Variants in MBOAT1 observed in about 807,000 individuals in gnomAD.
The protein encoded by MBOAT1 is membrane bound glycerophospholipid O-acyltransferase 1, also known as membrane-bound glycerophospholipid O-acyltransferase 1.
In MBOAT1, 67 loss-of-function variants were observed where a neutral mutation model predicts 64.4. That is an observed-to-expected ratio of 1.04 (90% confidence interval 0.85 to 1.27). MBOAT1 has a LOEUF of 1.27. Ranked by LOEUF, MBOAT1 falls within the 50% of genes most tolerant of loss-of-function variation. The pLI, the probability that MBOAT1 is intolerant of heterozygous loss-of-function variation, is 0.00. For missense variants in MBOAT1, 563 were observed against 604.6 expected, an observed-to-expected ratio of 0.93 and a Z score of 0.72; for synonymous variants, 229 against 218.9, an observed-to-expected ratio of 1.05 and a Z score of -0.41.
chr6:20,136,435 T>C (rs534279994), intron 4 of MBOAT1, among the ~76,000 whole-genome samples: 1 of 152,388 alleles, frequency 6.6e-6, no homozygotes, highest in Non-Finnish European at 1.5e-5. Context: ...GTGTTAGTTA[T>C]TGAAAAGCTG....
chr6:20,124,490 T>C lies in MBOAT1; in HGVS notation c.825A>G (p.Lys275=), dbSNP rs138031972. ...TCLVDDWFVH[K]ASFPARLCYL... is the part of the protein sequence containing the mutation. The stretch of plus-strand genomic sequence containing the variant: ...AGCAGAGTCGAGCCGGAAAGCTTGC[T>C]TTATGGACAAACCAGTCATCCACAA... Residue 275 remains lysine, a synonymous_variant, in exon 8 of 13, where the codon AAA becomes AAG. Coordinates refer to ENST00000324607, the MANE Select transcript of MBOAT1 (RefSeq NM_001080480.3). 6 of 1,614,186 alleles carry C rather than the reference T, an allele frequency of 3.7e-6. No homozygotes were observed. The highest frequency in any genetic ancestry group is 5.1e-6 in the Non-Finnish European group (6 of 1,180,036).
chr6:20,208,444 T>TAAAAAAAAAAAAAAAAAA (rs1561790119), intron 1 of MBOAT1, among the ~76,000 whole-genome samples: 4 of 7,966 alleles, frequency 5.0e-4, no homozygotes, highest in East Asian at 0.016. Flanking sequence ...AGACTCTGTC[T>TAAAAAAAAAAAAAAAAAA]CAAAAAAAAA....
At chr6:20,108,421 C>A (rs976335646) in intron 12 of MBOAT1, among the ~76,000 whole-genome samples, 1 of 152,166 alleles carries the variant, frequency 6.6e-6, no homozygotes, top group African/African-American at 2.4e-5. Context: ...AACTTCTTAT[C>A]ACCTAACTCC....
At chr6:20,162,401 C>G (rs1220402033) in intron 1 of MBOAT1, among the ~76,000 whole-genome samples, 2 of 152,194 alleles carry the variant, frequency 1.3e-5, no homozygotes, top group Non-Finnish European at 2.9e-5. Flanking sequence ...CTACAGACAG[C>G]ACCAGAGAGG....
At chr6:20,197,443 C>T (rs149731386) in intron 1 of MBOAT1, among the ~76,000 whole-genome samples, 1 of 152,270 alleles carries the variant, frequency 6.6e-6, no homozygotes, top group Non-Finnish European at 1.5e-5. Flanking sequence ...AAAGCCATCC[C>T]TCTGCCCACG....
At position 20,144,935 on chromosome 6, in the gene MBOAT1, A is replaced by G. The variant is rs569535330; in HGVS notation, c.324-620T>C. 3.9e-5 allele frequency among the ~76,000 whole-genome samples: 6 copies of G among 152,206 alleles called. No individual in the cohort carries two copies. The South Asian group carries it at 1.2e-3, about 32-fold the overall frequency. On this transcript the variant is annotated intron_variant, in intron 3 of 12. Transcript: ENST00000324607. ...CTCAGGTTTCAATTACCACTTACTC[A>G]TGAGCATTCCCTGGCTTCCTTCAGA...
intron 1 of MBOAT1, among the ~76,000 whole-genome samples, chr6:20,195,481 T>C (rs1420735908): frequency 6.6e-6 from 1 of 152,084 alleles, no homozygotes; most frequent in Non-Finnish European, 1.5e-5. Context: ...ATCAAGCATT[T>C]CTCCAAAAAG....
At chr6:20,194,645 C>T (rs1561784324) in intron 1 of MBOAT1, among the ~76,000 whole-genome samples, 1 of 152,202 alleles carries the variant, frequency 6.6e-6, no homozygotes, top group Admixed American at 6.5e-5. Flanking sequence ...GATCACTCAG[C>T]TGAGGTAGTG....
chr6:20,175,274 G>A lies in MBOAT1; in HGVS notation c.100-22505C>T, dbSNP rs1762307507. Among the ~76,000 whole-genome samples the A allele has an allele frequency of 2.0e-5, 3 of 152,074 alleles. No homozygotes were observed. The South Asian group carries it at 6.2e-4, about 32-fold the overall frequency. ...CTCCGGTTCTTTTTTTCTTAGAGAT[G>A]GGGTCTCACTCTGTTGCCCAGGTGG... On this transcript the variant is annotated intron_variant, in intron 1 of 12. Coordinates refer to ENST00000324607, the MANE Select transcript of MBOAT1 (RefSeq NM_001080480.3).
At chr6:20,185,026 G>A (rs1762612233) in intron 1 of MBOAT1, among the ~76,000 whole-genome samples, 1 of 152,008 alleles carries the variant, frequency 6.6e-6, no homozygotes. Flanking sequence ...GAGGTGAGAG[G>A]ATCGCTTGAG....
intron 1 of MBOAT1, among the ~76,000 whole-genome samples, chr6:20,172,040 AC>A (rs1762211880): frequency 6.7e-6 from 1 of 149,042 alleles, no homozygotes; most frequent in Admixed American, 6.6e-5. Flanking sequence ...CTCTAAAAAA[AC>A]AAAAACAAAA....
At chr6:20,163,900 G>GA (rs1035425262) in intron 1 of MBOAT1, among the ~76,000 whole-genome samples, 37 of 152,202 alleles carry the variant, frequency 2.4e-4, no homozygotes, top group African/African-American at 8.9e-4. Context: ...ACACACTGCT[G>GA]AAGGGATCCC....
intron 12 of MBOAT1, among the ~76,000 whole-genome samples, chr6:20,108,213 C>T (rs1001951082): frequency 6.6e-6 from 1 of 152,230 alleles, no homozygotes; most frequent in Non-Finnish European, 1.5e-5. Context: ...CTCTGTGCCA[C>T]TAGCTGCATT....
chr6:20,155,582 G>A (rs1338041815), intron 1 of MBOAT1, among the ~76,000 whole-genome samples: 1 of 152,178 alleles, frequency 6.6e-6, no homozygotes, highest in Non-Finnish European at 1.5e-5. Context: ...TCTAACCTGT[G>A]TTTAAAAACA....
intron 1 of MBOAT1, among the ~76,000 whole-genome samples, chr6:20,186,560 T>C (rs534635881): frequency 6.6e-6 from 1 of 152,348 alleles, no homozygotes; most frequent in South Asian, 2.1e-4. Flanking sequence ...CTGGGGCTAG[T>C]AGGTCTCTGA....
intron 1 of MBOAT1, among the ~76,000 whole-genome samples, chr6:20,159,570 T>TA (rs1011077858): frequency 6.6e-6 from 1 of 151,982 alleles, no homozygotes; most frequent in Admixed American, 6.6e-5. Context: ...ATGTGGAATC[T>TA]AAAAAAGTCG....
At position 20,105,900 on chromosome 6, in the gene MBOAT1, G is replaced by T. The variant is rs145529395; in HGVS notation, c.1362-3488C>A. Reference sequence around the variant, plus strand: ...CTTTGCAAAATGATTTCATAGAAAGGTTCTTTCATAATATATTTAAGTATT... The same window carrying T: ...CTTTGCAAAATGATTTCATAGAAAGTTTCTTTCATAATATATTTAAGTATT... On this transcript the variant is annotated intron_variant, in intron 12 of 12. Transcript: ENST00000324607. Among the ~76,000 whole-genome samples the T allele has an allele frequency of 3.6e-3, 541 of 152,292 alleles. 3 individuals carry two copies. The highest frequency in any genetic ancestry group is 0.013 in the African/African-American group (525 of 41,558).
In MBOAT1 at chr6:20,101,704, G is replaced by C. The variant is rs1759791761; in HGVS notation, c.*582C>G. Among the ~76,000 whole-genome samples, 1 of 152,182 alleles carries C rather than the reference G, an allele frequency of 6.6e-6. No homozygotes were observed. The highest frequency in any genetic ancestry group is 1.5e-5 in the Non-Finnish European group (1 of 68,034). On this transcript the variant is annotated 3_prime_UTR_variant, in exon 13 of 13. Coordinates refer to ENST00000324607, the MANE Select transcript of MBOAT1 (RefSeq NM_001080480.3). Reference sequence around the variant, plus strand: ...GGCAAAAAGCCAGCAGCCCAGAATGGACTGTCTCTGCAGCTCTGGCACATT... The same window carrying C: ...GGCAAAAAGCCAGCAGCCCAGAATGCACTGTCTCTGCAGCTCTGGCACATT...
chr6:20,112,888 TAA>T lies in MBOAT1; in HGVS notation c.1195_1196del (p.Leu399SerfsTer3), dbSNP rs777074217. 7.4e-6 allele frequency: 12 copies of T among 1,613,720 alleles called. No homozygotes were observed. Among genetic ancestry groups the T allele is most frequent in the Non-Finnish European group, 9.3e-6 (11 of 1,179,852 alleles). On this transcript the variant is annotated frameshift_variant, in exon 11 of 13. Coordinates refer to ENST00000324607, the MANE Select transcript of MBOAT1 (RefSeq NM_001080480.3). LOFTEE classifies it high-confidence loss of function. ...AAAGCACACTTACCGCTCTAGCTGC[TAA>T]TGTGACAAGAATTCCAGTTAAGAAG... ...FTFLTGILVT[L>X]AARAVRNNYR...
Sources: gnomAD v4.1 joint callset for allele counts (sites outside exome capture counted in the v4.1 genomes callset) on GRCh38, gnomAD v4.1.1 for gene constraint, MANE v1.5 for transcripts, NCBI Gene and HGNC (gene_info 2026-07-23, HGNC 2026-07-21) for gene names.